The following XPOT variants were observed in gnomAD, a reference collection of about 807,000 sequenced individuals.
XPOT encodes exportin-T.
Under a neutral mutation model 128.2 loss-of-function variants are expected in XPOT, and 34 were observed. That is an observed-to-expected ratio of 0.27 (90% CI 0.20 to 0.35). XPOT has a LOEUF of 0.35. Among genes scored for constraint, XPOT ranks in the 10% least tolerant of loss-of-function variants. The pLI is 1.00. For missense variants in XPOT, 838 were observed against 1,125.3 expected (o/e 0.74, Z 3.65); for synonymous variants, 348 against 394.3 (o/e 0.88, Z 1.39).
intron 5 of XPOT, 48 bp downstream of exon 5, chr12:64,418,163 C>A: frequency 1.3e-6 from 2 of 1,527,102 alleles, no homozygotes; most frequent in South Asian, 1.2e-5. Context: ...GATATTTAAA[C>A]TTATTTTTTG....
chr12:64,435,511 T>C (rs1283528282), intron 21 of XPOT, 116 bp from the exon 22 acceptor site: 1 of 822,332 alleles, frequency 1.2e-6, no homozygotes, highest in Non-Finnish European at 1.7e-6. Flanking sequence ...GAGTTAAATA[T>C]TTCTCTGGAA....
At chr12:64,442,424 C>G (rs1019984847) in intron 23 of XPOT, 2 of 152,648 alleles carry the variant, frequency 1.3e-5, no homozygotes, top group African/African-American at 4.8e-5. Context: ...TGAGCCACCA[C>G]ACCTGTCCAG....
intron 15 of XPOT, among the ~76,000 whole-genome samples, chr12:64,427,668 T>C (rs1388837926): frequency 6.6e-6 from 1 of 152,074 alleles, no homozygotes; most frequent in African/African-American, 2.4e-5. Context: ...CTAATTTTTG[T>C]ATTTTTTGTA....
intron 16 of XPOT, 40 bp downstream of exon 16, chr12:64,428,160 A>G: frequency 7.2e-7 from 1 of 1,392,988 alleles, no homozygotes; most frequent in Non-Finnish European, 1.0e-6. Context: ...CCCAGAATTC[A>G]TTGAAGCCAC....
At position 64,450,559 on chromosome 12, in the gene XPOT, T is replaced by C. The variant is rs1299520957; in HGVS notation, c.*2428T>C. The C allele has an allele frequency of 6.6e-6, 1 of 152,248 alleles. No individual in the cohort carries two copies. Among genetic ancestry groups the C allele is most frequent in the Admixed American group, 6.5e-5 (1 of 15,282 alleles). 9.4% of individuals were successfully genotyped at this position (152,248 alleles called of 1,614,324 possible). A position where few individuals can be genotyped will look rare whatever the true frequency, so the allele number is the denominator to read the frequency against. ...GCTAAGAGAAATCAGGGCATGGAAA[T>C]TGAGTGTGTAATAAAAATTAAACTC... On this transcript the variant is annotated 3_prime_UTR_variant, in exon 25 of 25. Coordinates refer to ENST00000332707, the MANE Select transcript of XPOT (RefSeq NM_007235.6).
intron 16 of XPOT, among the ~76,000 whole-genome samples, chr12:64,429,568 G>T (rs767862648): frequency 6.6e-6 from 1 of 151,442 alleles, no homozygotes; most frequent in Admixed American, 6.6e-5. Flanking sequence ...TCAGCCTCCC[G>T]CGTAGCTGGG....
intron 22 of XPOT, 39 bp downstream of exon 22, chr12:64,435,713 CAT>C (rs1189487587): frequency 2.6e-6 from 4 of 1,552,600 alleles, no homozygotes; most frequent in South Asian, 2.4e-5. Context: ...TTTCATCTCA[CAT>C]GTGGTATTAT....
At chr12:64,436,059 C>A (rs1167549254) in intron 22 of XPOT, among the ~76,000 whole-genome samples, 1 of 151,608 alleles carries the variant, frequency 6.6e-6, no homozygotes, top group East Asian at 1.9e-4. Context: ...CAGATTCAAG[C>A]AATTCTCCTG....
intron 1 of XPOT, among the ~76,000 whole-genome samples, chr12:64,407,795 C>G (rs757241427): frequency 2.0e-5 from 3 of 152,124 alleles, no homozygotes; most frequent in Non-Finnish European, 4.4e-5. Flanking sequence ...GTGTTTGGAT[C>G]GTAATCTGAG....
At chr12:64,444,999 A>G (rs2040356598) in intron 23 of XPOT, 76 bp from the exon 24 acceptor site, 4 of 1,314,492 alleles carry the variant, frequency 3.0e-6, no homozygotes, top group Non-Finnish European at 3.1e-6. Context: ...TTAAAAAAAA[A>G]AAACTGGATA....
chr12:64,439,642 T>C (rs2040309462), intron 23 of XPOT, among the ~76,000 whole-genome samples: 1 of 152,180 alleles, frequency 6.6e-6, no homozygotes, highest in Admixed American at 6.5e-5. Context: ...TAAAGGAGCC[T>C]AATAGGCTTT....
chr12:64,445,273 C>A, intron 24 of XPOT, 142 bp downstream of exon 24: 1 of 589,980 alleles, frequency 1.7e-6, no homozygotes, highest in Non-Finnish European at 2.9e-6. Flanking sequence ...GTTAGGTAAG[C>A]ACACTGAATG....
At chr12:64,407,412 G>A (rs2039993324) in intron 1 of XPOT, among the ~76,000 whole-genome samples, 1 of 151,758 alleles carries the variant, frequency 6.6e-6, no homozygotes, top group Non-Finnish European at 1.5e-5. Flanking sequence ...CTTGAACCCA[G>A]GAGCCAGAGG....
chr12:64,425,677 T>G (rs895093803), intron 14 of XPOT, 138 bp from the exon 15 acceptor site: 8 of 995,410 alleles, frequency 8.0e-6, no homozygotes, highest in Non-Finnish European at 1.2e-5. Context: ...GTGTGTAGTT[T>G]AGAATTACTC....
At position 64,434,633 on chromosome 12, in the gene XPOT, TTTTA is replaced by T. The variant is rs1321247767; in HGVS notation, c.2569+14_2569+17del. On this transcript the variant is annotated intron_variant, in intron 20 of 24. Coordinates refer to ENST00000332707, the MANE Select transcript of XPOT (RefSeq NM_007235.6). ...TTGGTAGAACTCTGGGGTAAGATAA[TTTTA>T]TTTCTTAACCTTCATTTCCCAAACT... is the stretch of plus-strand genomic sequence containing the variant. 2 of 1,601,414 alleles carry T rather than the reference TTTTA, an allele frequency of 1.2e-6. No individual in the cohort carries two copies. The highest frequency in any genetic ancestry group is 2.7e-5 in the African/African-American group (2 of 74,760).
chr12:64,405,756 T>A (rs1424627687), intron 1 of XPOT, among the ~76,000 whole-genome samples: 1 of 152,048 alleles, frequency 6.6e-6, no homozygotes, highest in Non-Finnish European at 1.5e-5. Context: ...GTAGCTCTAT[T>A]ACAGGTGCGC....
intron 2 of XPOT, among the ~76,000 whole-genome samples, chr12:64,412,461 G>A (rs2040047311): frequency 6.6e-6 from 1 of 152,166 alleles, no homozygotes; most frequent in South Asian, 2.1e-4. Context: ...AGGTGGTAAT[G>A]CAACATACAT....
At position 64,425,153 on chromosome 12, in the gene XPOT, G is replaced by C; in HGVS notation, c.1423G>C (p.Ala475Pro). The C allele has an allele frequency of 6.2e-7, 1 of 1,614,084 alleles. No homozygotes were observed. The highest frequency in any genetic ancestry group is 8.5e-7 in the Non-Finnish European group (1 of 1,179,988). The change falls in exon 13 of 25, where the codon GCT (alanine) becomes CCT (proline). Residue 475 changes from alanine to proline, a missense_variant. This residue lies in a region of XPOT where 761 missense variants were observed against 988.3 expected (regional missense o/e 0.77). Transcript: ENST00000332707. ...TCACTTCTCAGGTGATGTTTCAAAA[G>C]CTAGTGCTTTGCAGGATATGATGCG... ...GAHFSGDVSKASALQDMMRTL... is the reference protein window; with the variant it reads ...GAHFSGDVSKPSALQDMMRTL...
intron 1 of XPOT, among the ~76,000 whole-genome samples, chr12:64,408,400 G>T (rs1472220184): frequency 6.6e-6 from 1 of 152,074 alleles, no homozygotes; most frequent in African/African-American, 2.4e-5. Context: ...GAGCCAGCAC[G>T]CCTGGCCCCC....
Sources: allele counts gnomAD v4.1 joint callset (sites outside exome capture counted in the v4.1 genomes callset), GRCh38; gene constraint gnomAD v4.1.1; regional missense constraint gnomAD v4.1.1; transcripts MANE v1.5; gene names NCBI Gene and HGNC (gene_info 2026-07-23, HGNC 2026-07-21).